Variants in CFAP298 observed in about 807,000 individuals in gnomAD.
The protein encoded by CFAP298 is cilia and flagella associated protein 298.
Under a neutral mutation model 41.0 loss-of-function variants are expected in CFAP298, and 38 were observed. That is an observed-to-expected ratio of 0.93 (90% CI 0.72 to 1.22). The LOEUF is 1.22. CFAP298 is among the 50% of genes most tolerant of loss of function. The pLI is 0.00. For missense variants in CFAP298, 348 were observed against 360.3 expected, an observed-to-expected ratio of 0.97 and a Z score of 0.28; for synonymous variants, 137 against 135.3, an observed-to-expected ratio of 1.01 and a Z score of -0.09.
chr21:32,612,281 C>T lies in CFAP298; in HGVS notation c.-38G>A, dbSNP rs1488459284. On this transcript the variant is annotated 5_prime_UTR_variant, in exon 1 of 7. Coordinates refer to ENST00000290155, the MANE Select transcript of CFAP298 (RefSeq NM_021254.4). ...GAGGTACTGAGGCGTTGAGAAGGCC[C>T]CGGCTGCGTGGCCCGCGGGTCCTGC... 1 of 1,417,244 alleles carries T rather than the reference C, an allele frequency of 7.1e-7. No individual in the cohort carries two copies. The highest frequency in any genetic ancestry group is 1.4e-5 in the African/African-American group (1 of 70,868). The allele number at this position is 1,417,244 out of a possible 1,614,324, so 87.8% of individuals were successfully genotyped here.
chr21:32,612,004 T>A, intron 1 of CFAP298, 101 bp downstream of exon 1: 1 of 1,325,090 alleles, frequency 7.5e-7, no homozygotes. Flanking sequence ...ATCTCTTCAA[T>A]AATCTTCACA....
chr21:32,601,802 T>C lies in CFAP298; in HGVS notation c.*61A>G. The C allele has an allele frequency of 1.2e-6, 1 of 844,128 alleles. No individual in the cohort carries two copies. The highest frequency in any genetic ancestry group is 1.9e-6 in the Non-Finnish European group (1 of 517,610). 52.3% of individuals were successfully genotyped at this position (844,128 alleles called of 1,614,324 possible). A position where few individuals can be genotyped will look rare whatever the true frequency, so the allele number is the denominator to read the frequency against. ...AAGTGGCCTTTTTTTTTTTTTTAAA[T>C]TATAATTGCCTAGGAGAAAGGTGAG... On this transcript the variant is annotated 3_prime_UTR_variant, in exon 7 of 7. Transcript: ENST00000290155.
chr21:32,612,038 GC>G, intron 1 of CFAP298, 66 bp downstream of exon 1: 1 of 1,457,194 alleles, frequency 6.9e-7, no homozygotes, highest in Non-Finnish European at 9.1e-7. Flanking sequence ...GGCCCACCCT[GC>G]CCCTCTTTCT....
intron 4 of CFAP298, among the ~76,000 whole-genome samples, chr21:32,603,606 G>C (rs1277353268): frequency 6.6e-6 from 1 of 152,162 alleles, no homozygotes; most frequent in African/African-American, 2.4e-5. Context: ...GCATCGTGCT[G>C]GGTGTTTAAA....
At chr21:32,609,040 T>G (rs995457750) in intron 2 of CFAP298, among the ~76,000 whole-genome samples, 2 of 152,164 alleles carry the variant, frequency 1.3e-5, no homozygotes, top group Admixed American at 1.3e-4. Context: ...AGCCAAACAC[T>G]GAAAGGAGAG....
chr21:32,611,339 A>ATATATATAT (rs1555884102), intron 1 of CFAP298, among the ~76,000 whole-genome samples: 2 of 124,098 alleles, frequency 1.6e-5, no homozygotes, highest in African/African-American at 7.5e-5. Flanking sequence ...ATATATATAT[A>ATATATATAT]ATTTATTTAT....
intron 3 of CFAP298, among the ~76,000 whole-genome samples, chr21:32,605,956 G>C (rs2038858734): frequency 6.6e-6 from 1 of 152,160 alleles, no homozygotes; most frequent in South Asian, 2.1e-4. Flanking sequence ...CCACAGCTGT[G>C]GAAGTGAAAG....
chr21:32,600,199 G>C lies in CFAP298; in HGVS notation c.*1664C>G, dbSNP rs190860568. 6.6e-6 allele frequency among the ~76,000 whole-genome samples: 1 copy of C among 152,286 alleles called. No homozygotes were observed. The highest frequency in any genetic ancestry group is 1.9e-4 in the East Asian group (1 of 5,180). On this transcript the variant is annotated 3_prime_UTR_variant, in exon 7 of 7. Transcript: ENST00000290155. The stretch of plus-strand genomic sequence containing the variant: ...CATCCAAGGTCAAAACCCTTTCATA[G>C]AGACATTTAAAACTATAACCAAGTA...
chr21:32,602,595 T>C (rs1832784142), intron 5 of CFAP298: 1 of 1,349,556 alleles, frequency 7.4e-7, no homozygotes, highest in Non-Finnish European at 9.5e-7. Context: ...ACCATCTCTG[T>C]CTTGACCATT....
intron 3 of CFAP298, among the ~76,000 whole-genome samples, chr21:32,605,775 T>A (rs2038854854): frequency 6.6e-6 from 1 of 152,198 alleles, no homozygotes; most frequent in African/African-American, 2.4e-5. Flanking sequence ...CTTTAACTTT[T>A]AGGTCTGATG....
In CFAP298 at chr21:32,603,305, G is replaced by GT. The variant is rs775767930; in HGVS notation, c.535-14dup. ...CGTTGAGCCCTGCCTGGGGCCAGTC[G>GT]TAAGAATGGCTTGACTGTGTGTTCC... is the stretch of plus-strand genomic sequence containing the variant. On this transcript the variant is annotated splice_polypyrimidine_tract_variant and intron_variant, in intron 4 of 6. Coordinates refer to ENST00000290155, the MANE Select transcript of CFAP298 (RefSeq NM_021254.4). The GT allele has an allele frequency of 5.7e-4, 921 of 1,613,612 alleles. No individual in the cohort carries two copies. Among genetic ancestry groups the GT allele is most frequent in the Non-Finnish European group, 7.2e-4 (845 of 1,179,926 alleles).
Position 32,610,013 on chromosome 21 carries a change from A to T in CFAP298, c.140-8T>A. 1 of 1,611,280 alleles carries T rather than the reference A, an allele frequency of 6.2e-7. No individual in the cohort carries two copies. ...CGGCTAATTCTTCCATTTCTTAAAA[A>T]TAAGTGAAAGACAGTATCACAATCA... On this transcript the variant is annotated splice_polypyrimidine_tract_variant and splice_region_variant and intron_variant, in intron 1 of 6. Transcript: ENST00000290155.
At chr21:32,607,594 CAAAAAA>C in intron 3 of CFAP298, 49 bp downstream of exon 3, 3 of 825,238 alleles carry the variant, frequency 3.6e-6, no homozygotes, top group Non-Finnish European at 3.5e-6. Flanking sequence ...ATTCCATCTC[CAAAAAA>C]AAAAAAAAAA....
rs1177471805 is a variant in CFAP298, at chr21:32,612,279, C to A, written c.-36G>T. ...CCGAGGTACTGAGGCGTTGAGAAGGCCCCGGCTGCGTGGCCCGCGGGTCCT... is the reference window on the plus strand; with the variant it reads ...CCGAGGTACTGAGGCGTTGAGAAGGACCCGGCTGCGTGGCCCGCGGGTCCT... On this transcript the variant is annotated 5_prime_UTR_variant, in exon 1 of 7. Transcript: ENST00000290155. 2 of 1,420,598 alleles carry A rather than the reference C, an allele frequency of 1.4e-6. No individual in the cohort carries two copies. The highest frequency in any genetic ancestry group is 1.9e-6 in the Non-Finnish European group (2 of 1,036,428). The allele number at this position is 1,420,598 out of a possible 1,614,324, so 88.0% of individuals were successfully genotyped here.
In CFAP298 at chr21:32,600,889, AAG is replaced by A. The variant is rs1232293488; in HGVS notation, c.*972_*973del. Among the ~76,000 whole-genome samples, 3 of 152,232 alleles carry A rather than the reference AAG, an allele frequency of 2.0e-5. No homozygotes were observed. The East Asian group carries it at 5.8e-4, about 29-fold the overall frequency. On this transcript the variant is annotated 3_prime_UTR_variant, in exon 7 of 7. Coordinates refer to ENST00000290155, the MANE Select transcript of CFAP298 (RefSeq NM_021254.4). ...AAACTCCAGAAGAATTTAAGTTTCAAAGTCAGATGAGTTTGCTACTCAACCTT... is the reference window on the plus strand; with the variant it reads ...AAACTCCAGAAGAATTTAAGTTTCAATCAGATGAGTTTGCTACTCAACCTT...
rs754209600 is a variant in CFAP298 at position 32,602,347 on chromosome 21, G to A, written c.687C>T (p.Ala229=). The part of the protein sequence containing the change: ...KIQQRGQGAP[A]REPIISSEEQ... ...CCTCACTGCTAATAATAGGCTCTCG[G>A]GCTGGAGCTCCCTGTCCCCTCTGCA... Residue 229 remains alanine, a synonymous_variant, in exon 6 of 7, where the codon GCC becomes GCT. Coordinates refer to ENST00000290155, the MANE Select transcript of CFAP298 (RefSeq NM_021254.4). 6.2e-7 allele frequency: 1 copy of A among 1,613,630 alleles called. No individual in the cohort carries two copies. Among genetic ancestry groups the A allele is most frequent in the Non-Finnish European group, 8.5e-7 (1 of 1,180,024 alleles).
intron 3 of CFAP298, among the ~76,000 whole-genome samples, chr21:32,605,752 T>C (rs1394457709): frequency 1.3e-5 from 2 of 152,174 alleles, no homozygotes; most frequent in Non-Finnish European, 2.9e-5. Flanking sequence ...GGAGTCTTGT[T>C]GGTGATCTCA....
At chr21:32,611,212 G>C (rs1412298656) in intron 1 of CFAP298, among the ~76,000 whole-genome samples, 1 of 150,892 alleles carries the variant, frequency 6.6e-6, no homozygotes, top group Non-Finnish European at 1.5e-5. Context: ...GCTGAGGCAG[G>C]AGAATAGCTT....
chr21:32,609,957 T>C lies in CFAP298; in HGVS notation c.188A>G (p.Gln63Arg), dbSNP rs1363383042. 8.1e-6 allele frequency: 13 copies of C among 1,613,898 alleles called. No homozygotes were observed. Among genetic ancestry groups the C allele is most frequent in the Non-Finnish European group, 1.1e-5 (13 of 1,179,908 alleles). The stretch of plus-strand genomic sequence containing the variant: ...TTCAATCTGATCATCGGTCAGTCCT[T>C]GCATATTAGGAGGGAGAAATATGCC... ...EHGIFLPPNM[Q>R]GLTDDQIEEL... Residue 63 changes from glutamine to arginine, a missense_variant, in exon 2 of 7, where the codon CAA becomes CGA. Transcript: ENST00000290155.
Sources: allele counts gnomAD v4.1 joint callset (sites outside exome capture counted in the v4.1 genomes callset), GRCh38; gene constraint gnomAD v4.1.1; transcripts MANE v1.5; gene names NCBI Gene and HGNC (gene_info 2026-07-23, HGNC 2026-07-21).